KDM5A: variants seen among roughly 807,000 people sequenced by gnomAD.
The protein encoded by KDM5A is lysine-specific demethylase 5A.
Under a neutral mutation model 193.5 loss-of-function variants are expected in KDM5A, and 42 were observed. The observed-to-expected ratio is 0.22, with a 90% CI of 0.17 to 0.28. The LOEUF is 0.28. KDM5A is among the 10% of genes least tolerant of loss of function. The probability of loss-of-function intolerance (pLI) is 1.00; values close to 1 mark genes in which losing one functional copy is unlikely to be tolerated. For missense variants in KDM5A, 1,692 were observed against 2,055.1 expected (o/e 0.82, Z 3.42); for synonymous variants, 796 against 718.1 (o/e 1.11, Z -1.73).
At chr12:336,635 G>A (rs1943936877) in intron 10 of KDM5A, among the ~76,000 whole-genome samples, 1 of 152,050 alleles carries the variant, frequency 6.6e-6, no homozygotes, top group South Asian at 2.1e-4. Flanking sequence ...GAGGTCAGGA[G>A]TTCGAAACCA....
chr12:353,623 T>C (rs1369278453), intron 8 of KDM5A, among the ~76,000 whole-genome samples: 2 of 152,102 alleles, frequency 1.3e-5, no homozygotes, highest in Non-Finnish European at 2.9e-5. Flanking sequence ...AATATAGATA[T>C]TTTAAGTCCT....
chr12:350,834 TATAAC>T, intron 9 of KDM5A, 55 bp from the exon 10 acceptor site: 1 of 1,442,754 alleles, frequency 6.9e-7, no homozygotes, highest in Non-Finnish European at 9.7e-7. Flanking sequence ...CTATAACCCA[TATAAC>T]ATAATACACA....
At chr12:356,281 G>A (rs942827107) in intron 6 of KDM5A, 151 bp downstream of exon 6, 4 of 645,818 alleles carry the variant, frequency 6.2e-6, no homozygotes, top group East Asian at 5.5e-5. Context: ...AAGAGATCTG[G>A]CATTAAAAAA....
At chr12:371,668 GAA>G (rs1313265738) in intron 3 of KDM5A, among the ~76,000 whole-genome samples, 47 of 152,314 alleles carry the variant, frequency 3.1e-4, no homozygotes, top group African/African-American at 1.0e-3. Flanking sequence ...TTTTAGACAT[GAA>G]GTCCTTGCCC....
At position 389,209 on chromosome 12, in the gene KDM5A, A is replaced by G. The variant is rs977135816; in HGVS notation, c.-118T>C. On this transcript the variant is annotated 5_prime_UTR_variant, in exon 1 of 28. Coordinates refer to ENST00000399788, the MANE Select transcript of KDM5A (RefSeq NM_001042603.3). ...AGGCCGAAGCGCATCTTCGCGGACA[A>G]GAACCGTTCAACACAGAAACCCCAG... 1.0e-6 allele frequency: 1 copy of G among 973,852 alleles called. No individual in the cohort carries two copies. Among genetic ancestry groups the G allele is most frequent in the Non-Finnish European group, 1.6e-6 (1 of 606,084 alleles). The allele number at this position is 973,852 out of a possible 1,614,324, so 60.3% of individuals were successfully genotyped here.
Position 281,938 on chromosome 12 carries a change from C to T in KDM5A, c.*3518G>A, listed in dbSNP as rs1591890908. 1 of 285,008 alleles carries T rather than the reference C, an allele frequency of 3.5e-6. No homozygotes were observed. The highest frequency in any genetic ancestry group is 5.8e-5 in the East Asian group (1 of 17,226). The allele number at this position is 285,008 out of a possible 1,614,324, so 17.7% of individuals were successfully genotyped here. A position where few individuals can be genotyped will look rare whatever the true frequency, so the allele number is the denominator to read the frequency against. On this transcript the variant is annotated 3_prime_UTR_variant, in exon 28 of 28. Transcript: ENST00000399788. ...GTGGGCACCTGCTAGCACAGAAGCG[C>T]AGAAGCAAAGCCCAGGCAGAACCAT...
chr12:354,255 G>T (rs35769302), intron 7 of KDM5A, 21 bp from the exon 8 acceptor site: 26,517 of 1,532,884 alleles, frequency 0.017, 334 homozygotes, highest in East Asian at 0.069. Context: ...AAAAATAAAT[G>T]AAAGTCTATT....
chr12:335,538 AG>A (rs1943918108), intron 10 of KDM5A, among the ~76,000 whole-genome samples: 1 of 152,206 alleles, frequency 6.6e-6, no homozygotes, highest in Non-Finnish European at 1.5e-5. Flanking sequence ...TGTGGATGTC[AG>A]GAACTGGCAG....
chr12:388,000 G>GA (rs3831759), intron 1 of KDM5A, among the ~76,000 whole-genome samples: 117,764 of 152,018 alleles, frequency 0.77, 45,737 homozygotes, highest in East Asian at 0.85. Context: ...CAACTTACAT[G>GA]AGAATCATCT....
intron 24 of KDM5A, among the ~76,000 whole-genome samples, chr12:306,006 T>G (rs1362050531): frequency 6.9e-6 from 1 of 144,328 alleles, no homozygotes; most frequent in Non-Finnish European, 1.5e-5. Flanking sequence ...CAAGGTCTTG[T>G]GCTGCCCAGG....
chr12:286,405 G>A (rs969309481), intron 27 of KDM5A, among the ~76,000 whole-genome samples: 1 of 152,208 alleles, frequency 6.6e-6, no homozygotes, highest in Non-Finnish European at 1.5e-5. Flanking sequence ...GTAGTTTGGT[G>A]ACTTTAAGCC....
rs76825345 is a variant in KDM5A, at chr12:280,621, C to A, written c.*4835G>T. The A allele has an allele frequency of 0.019, 4,537 of 233,050 alleles. 72 individuals are homozygous for A. Among genetic ancestry groups the A allele is most frequent in the East Asian group, 0.069 (1,151 of 16,572 alleles). 14.4% of individuals were successfully genotyped at this position (233,050 alleles called of 1,614,324 possible). On this transcript the variant is annotated 3_prime_UTR_variant, in exon 28 of 28. Transcript: ENST00000399788. The stretch of plus-strand genomic sequence containing the variant: ...GATCCTTGGCAATGGGGAAAAGGTG[C>A]CATTTGCTTCTCTGAAGTAACTTGG...
At chr12:301,484 T>G (rs1361880217) in intron 24 of KDM5A, among the ~76,000 whole-genome samples, 1 of 152,158 alleles carries the variant, frequency 6.6e-6, no homozygotes, top group Non-Finnish European at 1.5e-5. Flanking sequence ...TTCAACAGCC[T>G]GTCATGCTAA....
At position 328,506 on chromosome 12, in the gene KDM5A, C is replaced by G. The variant is rs549454485; in HGVS notation, c.1968+329G>C. Among the ~76,000 whole-genome samples the G allele has an allele frequency of 5.3e-5, 8 of 151,828 alleles. No homozygotes were observed. The South Asian group carries it at 1.7e-3, about 32-fold the overall frequency. ...ACTGACAGTCTGTAATTTCCAGAAA[C>G]ATAACTTATTCAACAGAAAGCTCAG... On this transcript the variant is annotated intron_variant, in intron 14 of 27. Transcript: ENST00000399788.
At chr12:309,140 T>C (rs1015284199) in intron 22 of KDM5A, among the ~76,000 whole-genome samples, 1 of 152,182 alleles carries the variant, frequency 6.6e-6, no homozygotes, top group African/African-American at 2.4e-5. Context: ...ACAGGCAAAA[T>C]GCTCAAAATT....
intron 24 of KDM5A, among the ~76,000 whole-genome samples, chr12:305,088 A>C (rs1943488627): frequency 6.6e-6 from 1 of 152,170 alleles, no homozygotes; most frequent in African/African-American, 2.4e-5. Flanking sequence ...GCAGACTGCC[A>C]ATGAATTCTT....
At chr12:296,767 G>A (rs560181642) in intron 25 of KDM5A, among the ~76,000 whole-genome samples, 32 of 152,142 alleles carry the variant, frequency 2.1e-4, no homozygotes, top group Admixed American at 2.0e-4. Context: ...CTACCTATCC[G>A]GAATTTTCTA....
At chr12:386,408 T>G (rs766789630) in intron 1 of KDM5A, among the ~76,000 whole-genome samples, 9 of 152,218 alleles carry the variant, frequency 5.9e-5, no homozygotes, top group Non-Finnish European at 1.0e-4. Context: ...CAGCCACCAG[T>G]GTGGACAATT....
rs1681819805 is a variant in KDM5A at position 323,208 on chromosome 12, TACAAAAAAAA to T, written c.2151-12_2151-3del. ...AGGTCTTCTAATGGGTAGCGATATC[TACAAAAAAAA>T]AAAAAAAAAAAAAAAAAAAAAGAAA... On this transcript the variant is annotated splice_region_variant and splice_polypyrimidine_tract_variant and intron_variant, in intron 15 of 27. Transcript: ENST00000399788. 3 of 105,068 alleles carry T rather than the reference TACAAAAAAAA, an allele frequency of 2.9e-5. No individual in the cohort carries two copies. The highest frequency in any genetic ancestry group is 5.1e-4 in the African/African-American group (2 of 3,918). The allele number at this position is 105,068 out of a possible 1,614,324, so 6.5% of individuals were successfully genotyped here. A position where few individuals can be genotyped will look rare whatever the true frequency, so the allele number is the denominator to read the frequency against.
Sources: allele counts gnomAD v4.1 joint callset (sites outside exome capture counted in the v4.1 genomes callset), GRCh38; gene constraint gnomAD v4.1.1; transcripts MANE v1.5; gene names NCBI Gene and HGNC (gene_info 2026-07-23, HGNC 2026-07-21).